KRT23: variants seen among roughly 807,000 people sequenced by gnomAD.
The protein encoded by KRT23 is keratin 23.
In KRT23, 38 loss-of-function variants were observed where a neutral mutation model predicts 47.6. That is an observed-to-expected ratio of 0.80 (90% CI 0.62 to 1.05). The LOEUF (loss-of-function observed/expected upper bound fraction) is 1.05. Among genes scored for constraint, KRT23 ranks in the 50% least tolerant of loss-of-function variants. KRT23 has a pLI of 0.00. For missense variants in KRT23, 503 were observed against 529.5 expected, an observed-to-expected ratio of 0.95 and a Z score of 0.49; for synonymous variants, 191 against 199.0, an observed-to-expected ratio of 0.96 and a Z score of 0.34.
At chr17:40,924,347 C>T in intron 8 of KRT23, 125 bp downstream of exon 8, 1 of 705,756 alleles carries the variant, frequency 1.4e-6, no homozygotes, top group Middle Eastern at 2.4e-4. Flanking sequence ...ATTGAAGATT[C>T]CTGACCCAGG....
At chr17:40,924,352 C>T in intron 8 of KRT23, 120 bp downstream of exon 8, 1 of 739,476 alleles carries the variant, frequency 1.4e-6, no homozygotes, top group Admixed American at 2.3e-5. Context: ...AGATTCCTGA[C>T]CCAGGACATT....
At chr17:40,932,890 C>T (rs1014298876) in intron 2 of KRT23, among the ~76,000 whole-genome samples, 1 of 152,144 alleles carries the variant, frequency 6.6e-6, no homozygotes, top group Admixed American at 6.6e-5. Context: ...GATCCTGCTC[C>T]GCGCTTACTG....
At chr17:40,927,636 T>C (rs1909313070) in intron 6 of KRT23, among the ~76,000 whole-genome samples, 1 of 152,128 alleles carries the variant, frequency 6.6e-6, no homozygotes, top group Admixed American at 6.5e-5. Flanking sequence ...ATGCTAAGCA[T>C]TTTTCTAAAC....
chr17:40,928,662 T>C (rs1391375224), intron 4 of KRT23, 55 bp from the exon 5 acceptor site: 2 of 1,526,648 alleles, frequency 1.3e-6, no homozygotes, highest in African/African-American at 2.8e-5. Flanking sequence ...GAAGGCTGGA[T>C]TGCCATGTTG....
chr17:40,931,496 G>C (rs1909682220), intron 2 of KRT23, 41 bp from the exon 3 acceptor site: 1 of 1,442,652 alleles, frequency 6.9e-7, no homozygotes, highest in Admixed American at 1.7e-5. Context: ...TATCTCACTT[G>C]GACACACCCA....
At chr17:40,931,215 T>C (rs534813869) in intron 3 of KRT23, among the ~76,000 whole-genome samples, 158 bp downstream of exon 3, 2 of 152,252 alleles carry the variant, frequency 1.3e-5, no homozygotes, top group South Asian at 4.1e-4. Flanking sequence ...TTTCACCATG[T>C]TGGCCAGGAT....
chr17:40,926,051 A>G (rs140665710), intron 6 of KRT23, among the ~76,000 whole-genome samples: 146 of 152,308 alleles, frequency 9.6e-4, no homozygotes, highest in African/African-American at 3.5e-3. Context: ...AATTCCAACT[A>G]AACTGAGTAT....
chr17:40,926,910 CTCCTT>C (rs1199249628), intron 6 of KRT23, among the ~76,000 whole-genome samples: 2 of 151,996 alleles, frequency 1.3e-5, no homozygotes, highest in African/African-American at 4.8e-5. Flanking sequence ...CTCCTCTTCT[CTCCTT>C]TCTTCTTCCC....
intron 3 of KRT23, among the ~76,000 whole-genome samples, chr17:40,930,362 C>A (rs1909571665): frequency 6.6e-6 from 1 of 152,072 alleles, no homozygotes; most frequent in African/African-American, 2.4e-5. Flanking sequence ...GAATGTTTTG[C>A]CATATTTGCT....
Position 40,936,314 on chromosome 17 carries a change from T to A in KRT23, c.290A>T (p.Asn97Ile). Residue 97 changes from asparagine to isoleucine, a missense_variant, in exon 2 of 9, where the codon AAC becomes ATC. Coordinates refer to ENST00000209718, the MANE Select transcript of KRT23 (RefSeq NM_015515.5). ...LEKVRALEEA[N>I]MKLESRILKW... Reference sequence around the variant, plus strand: ...CAGGATGCGGCTTTCCAGCTTCATGTTGGCCTCCTCCAGGGCGCGAACCTT... The same window carrying A: ...CAGGATGCGGCTTTCCAGCTTCATGATGGCCTCCTCCAGGGCGCGAACCTT... 3 of 1,614,224 alleles carry A rather than the reference T, an allele frequency of 1.9e-6. No individual in the cohort carries two copies. The highest frequency in any genetic ancestry group is 2.5e-6 in the Non-Finnish European group (3 of 1,180,034).
At chr17:40,934,478 T>A (rs1909912441) in intron 2 of KRT23, among the ~76,000 whole-genome samples, 1 of 152,186 alleles carries the variant, frequency 6.6e-6, no homozygotes, top group Non-Finnish European at 1.5e-5. Flanking sequence ...ATTTAGACAA[T>A]GATTAGGTCT....
At chr17:40,931,012 CTTTT>C (rs1165590099) in intron 3 of KRT23, among the ~76,000 whole-genome samples, 5 of 120,816 alleles carry the variant, frequency 4.1e-5, no homozygotes, top group African/African-American at 6.5e-5. Context: ...ATGAGTTTTC[CTTTT>C]TTTTTTTTTT....
At chr17:40,929,712 C>A in intron 4 of KRT23, 1 of 474,968 alleles carries the variant, frequency 2.1e-6, no homozygotes, top group Non-Finnish European at 3.7e-6. Context: ...AACTGTTGAC[C>A]AATTCATCAT....
chr17:40,923,645 C>A (rs1909060050), intron 8 of KRT23, among the ~76,000 whole-genome samples: 1 of 152,168 alleles, frequency 6.6e-6, no homozygotes, highest in African/African-American at 2.4e-5. Context: ...TAAATTAAAA[C>A]CTCTCCATTG....
At chr17:40,933,995 T>C (rs1341085450) in intron 2 of KRT23, among the ~76,000 whole-genome samples, 3 of 152,238 alleles carry the variant, frequency 2.0e-5, no homozygotes, top group Non-Finnish European at 4.4e-5. Flanking sequence ...TATAGTCCGA[T>C]TGAGAATCAT....
At position 40,936,706 on chromosome 17, in the gene KRT23, G is replaced by T; in HGVS notation, c.-103C>A. The T allele has an allele frequency of 9.4e-7, 1 of 1,065,646 alleles. No homozygotes were observed. Among genetic ancestry groups the T allele is most frequent in the Non-Finnish European group, 1.3e-6 (1 of 781,094 alleles). 66.0% of individuals were successfully genotyped at this position (1,065,646 alleles called of 1,614,324 possible). A position where few individuals can be genotyped will look rare whatever the true frequency, so the allele number is the denominator to read the frequency against. The stretch of plus-strand genomic sequence containing the variant: ...CCTGGATGGTTTTATGGCCTTTGCT[G>T]TGGGAGTTCCCTTCTCTGACAATTG... On this transcript the variant is annotated 5_prime_UTR_variant, in exon 2 of 9. Coordinates refer to ENST00000209718, the MANE Select transcript of KRT23 (RefSeq NM_015515.5).
intron 3 of KRT23, among the ~76,000 whole-genome samples, chr17:40,930,470 T>A (rs1476698442): frequency 6.6e-6 from 1 of 152,112 alleles, no homozygotes; most frequent in African/African-American, 2.4e-5. Flanking sequence ...GAAAAATATA[T>A]TTTAAAATAA....
Position 40,936,343 on chromosome 17 carries a change from C to T in KRT23, c.261G>A (p.Leu87=). Residue 87 remains leucine (L), a synonymous_variant, in exon 2 of 9, where the codon CTG becomes CTA. Coordinates refer to ENST00000209718, the MANE Select transcript of KRT23 (RefSeq NM_015515.5). The stretch of plus-strand genomic sequence containing the variant: ...CCTCCTCCAGGGCGCGAACCTTCTC[C>T]AGGTAGGAGGCCAGGCGGTCGTTGA... ...QNLNDRLASY[L]EKVRALEEAN... The T allele has an allele frequency of 6.2e-7, 1 of 1,614,232 alleles. No individual in the cohort carries two copies. The highest frequency in any genetic ancestry group is 8.5e-7 in the Non-Finnish European group (1 of 1,180,042).
chr17:40,924,560 T>C (rs1170322954), intron 7 of KRT23, 57 bp from the exon 8 acceptor site: 1 of 1,382,674 alleles, frequency 7.2e-7, no homozygotes, highest in East Asian at 2.3e-5. Context: ...TCATAACAAC[T>C]TCTCAGGATG....
Sources: gnomAD v4.1 joint callset for allele counts (sites outside exome capture counted in the v4.1 genomes callset) on GRCh38, gnomAD v4.1.1 for gene constraint, MANE v1.5 for transcripts, NCBI Gene and HGNC (gene_info 2026-07-23, HGNC 2026-07-21) for gene names.